The following RTKN2 variants were observed in gnomAD, a reference collection of about 807,000 sequenced individuals.
RTKN2 encodes the protein rhotekin-2.
A neutral mutation model predicts 71.5 loss-of-function variants in RTKN2; 69 were observed. The ratio of observed to expected loss-of-function variants is 0.96; its 90% CI spans 0.79 to 1.18. The LOEUF (loss-of-function observed/expected upper bound fraction) is 1.18. Ranked by LOEUF, RTKN2 falls within the 50% of genes most tolerant of loss-of-function variation. The probability of loss-of-function intolerance (pLI) is 0.00; values close to 1 mark genes in which losing one functional copy is unlikely to be tolerated. For missense variants in RTKN2, 724 were observed against 719.7 expected (o/e 1.01, Z -0.07); for synonymous variants, 236 against 236.5 (o/e 1.00, Z 0.02).
intron 2 of RTKN2, among the ~76,000 whole-genome samples, chr10:62,258,413 A>G (rs1211978086): frequency 6.6e-6 from 1 of 152,208 alleles, no homozygotes; most frequent in East Asian, 1.9e-4. Context: ...GTGAAGATCT[A>G]TTAGAAAAGC....
chr10:62,263,372 T>G (rs757555253), intron 1 of RTKN2, among the ~76,000 whole-genome samples: 51 of 152,190 alleles, frequency 3.4e-4, no homozygotes, highest in Non-Finnish European at 4.3e-4. Flanking sequence ...AAAGGAATTC[T>G]TTCCTAGGGC....
At chr10:62,244,506 G>A (rs751660903) in intron 3 of RTKN2, among the ~76,000 whole-genome samples, 1 of 150,700 alleles carries the variant, frequency 6.6e-6, no homozygotes, top group Non-Finnish European at 1.5e-5. Context: ...GACAATAGAT[G>A]TTGACTATCA....
intron 10 of RTKN2, among the ~76,000 whole-genome samples, chr10:62,203,635 G>A (rs1156698747): frequency 5.9e-5 from 9 of 152,318 alleles, no homozygotes; most frequent in Non-Finnish European, 7.4e-5. Context: ...GTGAGCCACC[G>A]TGCCTGGCCT....
rs1191999885 is a variant in RTKN2, at chr10:62,194,881, G to T, written c.*3027C>A. 1.0e-6 allele frequency: 1 copy of T among 984,710 alleles called. No homozygotes were observed. Among genetic ancestry groups the T allele is most frequent in the Admixed American group, 6.2e-5 (1 of 16,248 alleles). The allele number at this position is 984,710 out of a possible 1,614,324, so 61.0% of individuals were successfully genotyped here. A position where few individuals can be genotyped will look rare whatever the true frequency, so the allele number is the denominator to read the frequency against. ...AAGGCATTTATAATAAATGGATTTA[G>T]TTTTCCACATATATTCACATCCATT... On this transcript the variant is annotated 3_prime_UTR_variant, in exon 12 of 12. Coordinates refer to ENST00000373789, the MANE Select transcript of RTKN2 (RefSeq NM_145307.4).
rs1356187217 is a variant in RTKN2, at chr10:62,197,055, C to A, written c.*853G>T. 2 of 977,350 alleles carry A rather than the reference C, an allele frequency of 2.0e-6. No individual in the cohort carries two copies. The highest frequency in any genetic ancestry group is 2.4e-6 in the Non-Finnish European group (2 of 822,906). The allele number at this position is 977,350 out of a possible 1,614,324, so 60.5% of individuals were successfully genotyped here. ...GAATTCTGAAAATTATTTACCATGG[C>A]CAACTTTTCTGATATTTTTGAATCT... On this transcript the variant is annotated 3_prime_UTR_variant, in exon 12 of 12. Coordinates refer to ENST00000373789, the MANE Select transcript of RTKN2 (RefSeq NM_145307.4).
At chr10:62,227,706 TGGA>T (rs1465136450) in intron 6 of RTKN2, among the ~76,000 whole-genome samples, 1 of 152,138 alleles carries the variant, frequency 6.6e-6, no homozygotes, top group African/African-American at 2.4e-5. Context: ...GGCTGCTGTG[TGGA>T]GAACAGACTA....
At position 62,215,889 on chromosome 10, in the gene RTKN2, C is replaced by T. The variant is rs905749749; in HGVS notation, c.1020+1229G>A. ...TAATGAAAAAAGCATGTCAATTTTT[C>T]ATTAATAAAATTATATATTTCAAAA... On this transcript the variant is annotated intron_variant, in intron 9 of 11. Coordinates refer to ENST00000373789, the MANE Select transcript of RTKN2 (RefSeq NM_145307.4). 2.6e-5 allele frequency among the ~76,000 whole-genome samples: 4 copies of T among 151,868 alleles called. No individual in the cohort carries two copies. The East Asian group carries it at 7.7e-4, about 29-fold the overall frequency.
chr10:62,200,670 A>AAATAAAAATTATTTATTTAACAACTGTC (rs1841424059), intron 10 of RTKN2, among the ~76,000 whole-genome samples: 1 of 152,066 alleles, frequency 6.6e-6, no homozygotes, highest in Non-Finnish European at 1.5e-5. Context: ...TTTGATTAAG[A>AAATAAAAATTATTTATTTAACAACTGTC]AATAAAAATT....
downstream of RTKN2, among the ~76,000 whole-genome samples, chr10:62,189,058 C>CTTTTTTT (rs34303718): frequency 7.4e-6 from 1 of 135,610 alleles, no homozygotes. Flanking sequence ...ATATTTCCTA[C>CTTTTTTT]TTTTTTTTTT....
At chr10:62,237,056 G>A (rs1842273619) in intron 5 of RTKN2, among the ~76,000 whole-genome samples, 1 of 151,818 alleles carries the variant, frequency 6.6e-6, no homozygotes. Context: ...ATAATGTACT[G>A]TAAAAACATG....
At chr10:62,207,932 C>T (rs1841580346) in intron 9 of RTKN2, among the ~76,000 whole-genome samples, 1 of 152,048 alleles carries the variant, frequency 6.6e-6, no homozygotes, top group Non-Finnish European at 1.5e-5. Context: ...CTTCAATTAC[C>T]TAGGAGGTTT....
At chr10:62,185,694 T>G (rs1203789916) in intron 8 of RTKN2, among the ~76,000 whole-genome samples, 1 of 152,206 alleles carries the variant, frequency 6.6e-6, no homozygotes, top group Non-Finnish European at 1.5e-5. Flanking sequence ...AAAAAATTCT[T>G]GGTTTGGTTC....
In RTKN2 at chr10:62,236,277, C is replaced by T. The variant is rs149615979; in HGVS notation, c.489-14G>A. 23 of 1,547,342 alleles carry T rather than the reference C, an allele frequency of 1.5e-5. No individual in the cohort carries two copies. The African/African-American group carries it at 2.6e-4, about 18-fold the overall frequency. ...CCTGCTTCATTACTAAAAACAAGGG[C>T]ATTCATAATGTTGGAAATTTAACTC... On this transcript the variant is annotated splice_polypyrimidine_tract_variant and intron_variant, in intron 5 of 11. Coordinates refer to ENST00000373789, the MANE Select transcript of RTKN2 (RefSeq NM_145307.4).
chr10:62,265,552 TTTTCAATGTATTCTGAGCTGTTGG>T (rs1301129282), intron 1 of RTKN2, among the ~76,000 whole-genome samples: 194 of 149,844 alleles, frequency 1.3e-3, no homozygotes, highest in African/African-American at 4.5e-3. Context: ...GTACATATGG[TTTTCAATGTATTCTGAGCTGTTGG>T]TTTTTTTTTT....
At position 62,236,283 on chromosome 10, in the gene RTKN2, T is replaced by G; in HGVS notation, c.489-20A>C. On this transcript the variant is annotated intron_variant, in intron 5 of 11. Transcript: ENST00000373789. ...TCATTACTAAAAACAAGGGCATTCATAATGTTGGAAATTTAACTCAGTAGA... is the reference window on the plus strand; with the variant it reads ...TCATTACTAAAAACAAGGGCATTCAGAATGTTGGAAATTTAACTCAGTAGA... The G allele has an allele frequency of 6.6e-7, 1 of 1,523,302 alleles. No individual in the cohort carries two copies. Among genetic ancestry groups the G allele is most frequent in the Non-Finnish European group, 9.0e-7 (1 of 1,111,784 alleles). 94.4% of individuals were successfully genotyped at this position (1,523,302 alleles called of 1,614,324 possible).
At chr10:62,234,590 C>T (rs1313493424) in intron 6 of RTKN2, among the ~76,000 whole-genome samples, 1 of 151,818 alleles carries the variant, frequency 6.6e-6, no homozygotes, top group African/African-American at 2.4e-5. Context: ...AGGGTTTCAA[C>T]TTAATATTCT....
intron 2 of RTKN2, among the ~76,000 whole-genome samples, chr10:62,256,741 T>G (rs1466878129): frequency 6.6e-6 from 1 of 151,890 alleles, no homozygotes; most frequent in East Asian, 1.9e-4. Flanking sequence ...GTAGATGAAG[T>G]GAATATATAT....
chr10:62,241,295 A>G, intron 3 of RTKN2, 100 bp from the exon 4 acceptor site: 1 of 657,654 alleles, frequency 1.5e-6, no homozygotes, highest in Non-Finnish European at 2.7e-6. Context: ...TCTGACTACT[A>G]TAGCTAAAAT....
Position 62,209,980 on chromosome 10 carries a change from C to T in RTKN2, c.1021-4958G>A, listed in dbSNP as rs533551459. 2.4e-4 allele frequency among the ~76,000 whole-genome samples: 37 copies of T among 152,270 alleles called. 1 individual carries two copies. Among genetic ancestry groups the T allele is most frequent in the South Asian group, 2.3e-3 (11 of 4,824 alleles). ...ATTTATATTCTTTTGGGTATATACC[C>T]AGTAATGGGATTGCTGGGTCGAATG... On this transcript the variant is annotated intron_variant, in intron 9 of 11. Transcript: ENST00000373789.
Sources: gnomAD v4.1 joint callset for allele counts (sites outside exome capture counted in the v4.1 genomes callset) on GRCh38, gnomAD v4.1.1 for gene constraint, MANE v1.5 for transcripts, NCBI Gene and HGNC (gene_info 2026-07-23, HGNC 2026-07-21) for gene names.